Variants in BAZ1B observed in about 807,000 individuals in gnomAD.
BAZ1B encodes tyrosine-protein kinase BAZ1B.
BAZ1B carries 22 observed loss-of-function variants against 153.8 expected under a neutral mutation model. The observed-to-expected ratio is 0.14, with a 90% CI of 0.10 to 0.20. The LOEUF (loss-of-function observed/expected upper bound fraction) is 0.20, where lower values mean the gene tolerates loss of function less well. BAZ1B is among the 10% of genes least tolerant of loss of function. The pLI is 1.00. For synonymous variants in BAZ1B, 676 were observed against 633.4 expected, an observed-to-expected ratio of 1.07 and a Z score of -1.01; for missense variants, 1,325 against 1,799.3, an observed-to-expected ratio of 0.74 and a Z score of 4.77.
At chr7:73,457,590 T>C (rs1788252384) in intron 13 of BAZ1B, among the ~76,000 whole-genome samples, 1 of 152,198 alleles carries the variant, frequency 6.6e-6, no homozygotes, top group Non-Finnish European at 1.5e-5. Context: ...CATGATATAA[T>C]AAATATATTT....
intron 5 of BAZ1B, among the ~76,000 whole-genome samples, chr7:73,490,335 A>C (rs782813493): frequency 6.6e-6 from 1 of 152,218 alleles, no homozygotes; most frequent in Non-Finnish European, 1.5e-5. Context: ...AAATAATATA[A>C]ACAGAATAGT....
At chr7:73,508,506 G>C in intron 2 of BAZ1B, 35 bp from the exon 3 acceptor site, 1 of 1,572,450 alleles carries the variant, frequency 6.4e-7, no homozygotes, top group East Asian at 2.3e-5. Flanking sequence ...AGAAAACACA[G>C]AAACACCTAC....
At chr7:73,444,903 A>G (rs544166869) in intron 16 of BAZ1B, among the ~76,000 whole-genome samples, 7 of 152,174 alleles carry the variant, frequency 4.6e-5, no homozygotes, top group Non-Finnish European at 8.8e-5. Context: ...AATCCCAGCT[A>G]CTCAGGAGGC....
At position 73,477,077 on chromosome 7, in the gene BAZ1B, T is replaced by C. The variant is rs1554572912; in HGVS notation, c.2384A>G (p.Lys795Arg). ...KEENDKKRAE[K>R]QKRKEMEAKN... is the part of the protein sequence containing the mutation. ...GGCTTCCATTTCTTTCCGTTTCTGT[T>C]TCTCTGCTCTCTTCTTATCATTTTC... The change falls in exon 7 of 20, where the codon AAA becomes AGA. Residue 795 changes from lysine to arginine, a missense_variant. By Grantham distance (26) the Lys-to-Arg change is conservative. Around this residue, in one of 9 missense-constraint regions of BAZ1B, gnomAD observed 431 missense variants for 563.5 expected, o/e 0.76. Coordinates refer to ENST00000339594, the MANE Select transcript of BAZ1B (RefSeq NM_032408.4). The surrounding 1 kb of genome is among the most constrained non-coding windows in gnomAD (Gnocchi z 5.6). 6.2e-7 allele frequency: 1 copy of C among 1,614,088 alleles called. No individual in the cohort carries two copies. Among genetic ancestry groups the C allele is most frequent in the African/African-American group, 1.3e-5 (1 of 74,938 alleles).
At chr7:73,451,607 T>C (rs986932511) in intron 13 of BAZ1B, among the ~76,000 whole-genome samples, 2 of 151,932 alleles carry the variant, frequency 1.3e-5, no homozygotes, top group Non-Finnish European at 3.0e-5. Context: ...GGGAGCCTTG[T>C]GTGTATAAAT....
At chr7:73,520,449 T>C (rs1468502878) in intron 1 of BAZ1B, among the ~76,000 whole-genome samples, 1 of 152,312 alleles carries the variant, frequency 6.6e-6, no homozygotes, top group East Asian at 1.9e-4. Context: ...CTTACAGGGA[T>C]GAGGTAGGAA....
intron 1 of BAZ1B, among the ~76,000 whole-genome samples, chr7:73,520,145 A>T (rs1310243610): frequency 6.7e-6 from 1 of 148,496 alleles, no homozygotes; most frequent in Non-Finnish European, 1.5e-5. Context: ...GGAGGCGGAG[A>T]TGGCAGTGAG....
chr7:73,446,488 CTG>C (rs1476176906), intron 16 of BAZ1B, among the ~76,000 whole-genome samples: 2 of 138,362 alleles, frequency 1.4e-5, no homozygotes, highest in African/African-American at 5.5e-5. Context: ...GAGGCAGAGA[CTG>C]AGGTAATCTG....
chr7:73,459,446 T>G, intron 13 of BAZ1B, 90 bp downstream of exon 13: 2 of 1,332,730 alleles, frequency 1.5e-6, no homozygotes, highest in Non-Finnish European at 2.1e-6. Flanking sequence ...ACAGTGCCTA[T>G]AGCAGCTAAA....
chr7:73,508,293 T>G, intron 3 of BAZ1B, 34 bp downstream of exon 3: 1 of 1,604,178 alleles, frequency 6.2e-7, no homozygotes. Flanking sequence ...CTAATTCTGA[T>G]GGTAAGTCAA....
chr7:73,511,564 T>C (rs1414155535), intron 1 of BAZ1B, among the ~76,000 whole-genome samples: 2 of 152,044 alleles, frequency 1.3e-5, no homozygotes, highest in African/African-American at 4.8e-5. Flanking sequence ...ATTAATATTT[T>C]AGTACAAATG....
chr7:73,507,045 A>G (rs1234001523), intron 3 of BAZ1B, among the ~76,000 whole-genome samples: 13 of 149,822 alleles, frequency 8.7e-5, no homozygotes, highest in African/African-American at 3.2e-4. Context: ...CGGCCGGCTA[A>G]TTTTTTATAT....
At chr7:73,454,523 C>G (rs1554569188) in intron 13 of BAZ1B, among the ~76,000 whole-genome samples, 1 of 152,166 alleles carries the variant, frequency 6.6e-6, no homozygotes, top group Non-Finnish European at 1.5e-5. Context: ...GGGAACATGA[C>G]AACTATGTAT....
At chr7:73,510,445 AAAG>A (rs1302955660) in intron 2 of BAZ1B, among the ~76,000 whole-genome samples, 2 of 152,198 alleles carry the variant, frequency 1.3e-5, no homozygotes, top group Non-Finnish European at 2.9e-5. Flanking sequence ...AAAAAGCAAA[AAAG>A]AATAAACCAC....
chr7:73,469,727 A>C, intron 8 of BAZ1B, 77 bp from the exon 9 acceptor site: 1 of 1,533,584 alleles, frequency 6.5e-7, no homozygotes, highest in Non-Finnish European at 9.0e-7. Flanking sequence ...GGAGAAGATA[A>C]TACAGAGTAT....
intron 11 of BAZ1B, chr7:73,464,243 G>T: frequency 1.2e-6 from 1 of 809,896 alleles, no homozygotes; most frequent in Non-Finnish European, 1.5e-6. Flanking sequence ...ATGAGAGGAG[G>T]CATTAAGCCA....
chr7:73,495,797 C>T (rs1458247150), intron 4 of BAZ1B, among the ~76,000 whole-genome samples: 1 of 152,176 alleles, frequency 6.6e-6, no homozygotes, highest in East Asian at 1.9e-4. Context: ...CCAAATACTG[C>T]ATGTTCTCAC....
intron 13 of BAZ1B, among the ~76,000 whole-genome samples, chr7:73,456,243 C>G (rs1341375388): frequency 6.6e-6 from 1 of 152,130 alleles, no homozygotes; most frequent in Non-Finnish European, 1.5e-5. Flanking sequence ...GACACTGAAT[C>G]TGGCAATGAT....
At chr7:73,521,679 G>A (rs1791051374) in intron 1 of BAZ1B, 148 bp downstream of exon 1, 1 of 521,894 alleles carries the variant, frequency 1.9e-6, no homozygotes, top group African/African-American at 2.1e-5. Flanking sequence ...GGCGCAGGCT[G>A]AGACTCAGCC....
Sources: gnomAD v4.1 joint callset for allele counts (sites outside exome capture counted in the v4.1 genomes callset) on GRCh38, gnomAD v4.1.1 for gene constraint, gnomAD v4.1.1 regional missense constraint, Gnocchi (gnomAD v3.1) non-coding constraint, MANE v1.5 for transcripts, NCBI Gene and HGNC (gene_info 2026-07-23, HGNC 2026-07-21) for gene names.